Variants in LRFN2 observed in about 807,000 individuals in gnomAD.
LRFN2 encodes the protein leucine-rich repeat and fibronectin type-III domain-containing protein 2.
A neutral mutation model predicts 37.3 loss-of-function variants in LRFN2; 18 were observed. That is an observed-to-expected ratio of 0.48 (90% CI 0.33 to 0.72). The LOEUF is 0.72. LRFN2 is among the 30% of genes least tolerant of loss of function. The pLI is 0.02. For missense variants in LRFN2, 1,006 were observed against 1,060.7 expected (o/e 0.95, Z 0.72); for synonymous variants, 556 against 466.6 (o/e 1.19, Z -2.47).
intron 1 of LRFN2, among the ~76,000 whole-genome samples, chr6:40,509,174 C>A (rs1001487793): frequency 3.9e-5 from 6 of 152,252 alleles, no homozygotes; most frequent in Non-Finnish European, 7.3e-5. Flanking sequence ...GGATGACACA[C>A]TCCACATAAC....
chr6:40,413,735 G>A (rs563221463), intron 2 of LRFN2, among the ~76,000 whole-genome samples: 9 of 152,278 alleles, frequency 5.9e-5, no homozygotes, highest in East Asian at 1.9e-4. Context: ...CAAAGCAGCC[G>A]TGGCTTTATC....
At chr6:40,438,870 TAA>T (rs1561856209) in intron 1 of LRFN2, among the ~76,000 whole-genome samples, 1 of 152,264 alleles carries the variant, frequency 6.6e-6, no homozygotes, top group East Asian at 1.9e-4. Flanking sequence ...ATAATAAATA[TAA>T]AGTTGTGGAA....
intron 1 of LRFN2, among the ~76,000 whole-genome samples, chr6:40,569,989 G>A (rs183989631): frequency 6.6e-6 from 1 of 152,220 alleles, no homozygotes; most frequent in Non-Finnish European, 1.5e-5. Context: ...TTCTTGGGCT[G>A]TGAATGTCTC....
intron 1 of LRFN2, among the ~76,000 whole-genome samples, chr6:40,485,210 A>C (rs142227999): frequency 2.8e-4 from 42 of 152,306 alleles, no homozygotes; most frequent in African/African-American, 9.6e-4. Context: ...GATGGACAAG[A>C]TGACATCTCA....
intron 2 of LRFN2, among the ~76,000 whole-genome samples, chr6:40,399,627 G>A (rs929542733): frequency 5.3e-5 from 8 of 150,746 alleles, no homozygotes; most frequent in African/African-American, 1.2e-4. Context: ...GAGTAGAGGC[G>A]GGGTTTCACC....
intron 1 of LRFN2, among the ~76,000 whole-genome samples, chr6:40,527,073 G>A (rs1015739976): frequency 1.3e-5 from 2 of 152,210 alleles, no homozygotes; most frequent in South Asian, 2.1e-4. Flanking sequence ...GCCCCTAAAT[G>A]TGAGACCAGT....
intron 1 of LRFN2, among the ~76,000 whole-genome samples, chr6:40,530,019 C>G (rs1286135927): frequency 6.6e-6 from 1 of 152,140 alleles, no homozygotes; most frequent in Non-Finnish European, 1.5e-5. Context: ...TACAGGTGGC[C>G]CCTATGGGTG....
chr6:40,432,668 A>G lies in LRFN2; in HGVS notation c.446T>C (p.Leu149Pro). ...GGAGAGGTCCAGATCCTCCAATGTC[A>G]GCAGGAAGTCCTCAAAAGCCTCATC... ...IADEAFEDFLLTLEDLDLSYN... is the reference protein window; with the variant it reads ...IADEAFEDFLPTLEDLDLSYN... The change falls in exon 2 of 3, where the codon CTG (leucine) becomes CCG (proline). Residue 149 changes from leucine (L) to proline (P), a missense_variant. Physicochemically the swap from Leu to Pro is moderately conservative, Grantham distance 98. This residue lies in a region of LRFN2 where 185 missense variants were observed against 254.9 expected (regional missense o/e 0.73). Transcript: ENST00000338305. 2 of 1,614,172 alleles carry G rather than the reference A, an allele frequency of 1.2e-6. No homozygotes were observed. Among genetic ancestry groups the G allele is most frequent in the Non-Finnish European group, 8.5e-7 (1 of 1,180,038 alleles).
chr6:40,502,624 G>T (rs1275416611), intron 1 of LRFN2, among the ~76,000 whole-genome samples: 2 of 152,224 alleles, frequency 1.3e-5, no homozygotes, highest in Admixed American at 6.5e-5. Context: ...ATTGATGAGT[G>T]TCCTTTGAAT....
intron 1 of LRFN2, among the ~76,000 whole-genome samples, chr6:40,576,323 G>A (rs537803943): frequency 1.5e-5 from 2 of 134,718 alleles, no homozygotes; most frequent in African/African-American, 5.5e-5. Flanking sequence ...AGAGAGACAA[G>A]ACAGATGGAG....
At position 40,392,264 on chromosome 6, in the gene LRFN2, C is replaced by T. The variant is rs768378607; in HGVS notation, c.2049G>A (p.Gly683=). ...GGTGGCCCCGGGCCGACGTCCCAGC[C>T]CCTCTCCCGGCTGGAGTCCTGGAGT... ...LLDSRTPAGR[G]AGTSARGHHS... is the part of the protein sequence containing the mutation. Residue 683 remains glycine, a synonymous_variant, in exon 3 of 3, where the codon GGG becomes GGA. Coordinates refer to ENST00000338305, the MANE Select transcript of LRFN2 (RefSeq NM_020737.3). The surrounding 1 kb of genome is among the most constrained non-coding windows in gnomAD (Gnocchi z 4.7). The T allele has an allele frequency of 7.0e-5, 112 of 1,596,128 alleles. 4 individuals are homozygous for T. The highest frequency in any genetic ancestry group is 3.5e-5 in the Non-Finnish European group (41 of 1,172,746).
intron 1 of LRFN2, among the ~76,000 whole-genome samples, chr6:40,438,440 C>T (rs1003580218): frequency 1.3e-5 from 2 of 152,198 alleles, no homozygotes; most frequent in Non-Finnish European, 2.9e-5. Context: ...CAACTTGCCC[C>T]ACCCTACCTT....
At position 40,447,418 on chromosome 6, in the gene LRFN2, A is replaced by G. The variant is rs553894020; in HGVS notation, c.-18-14287T>C. 2.5e-4 allele frequency among the ~76,000 whole-genome samples: 38 copies of G among 152,116 alleles called. 2 individuals carry two copies. Among genetic ancestry groups the G allele is most frequent in the Admixed American group, 2.5e-3 (38 of 15,268 alleles). On this transcript the variant is annotated intron_variant, in intron 1 of 2. Transcript: ENST00000338305. ...CTTTCCCCAAATTTGCCTACCTTTA[A>G]CATCACTAGAGGCAGAGCTGTCACC...
intron 2 of LRFN2, among the ~76,000 whole-genome samples, chr6:40,419,182 A>G (rs1410637193): frequency 1.3e-5 from 2 of 152,180 alleles, no homozygotes; most frequent in Non-Finnish European, 2.9e-5. Context: ...CTGTTTCTTT[A>G]CCAGCCTGTG....
intron 1 of LRFN2, among the ~76,000 whole-genome samples, chr6:40,448,222 T>C (rs1014749844): frequency 6.6e-5 from 10 of 152,144 alleles, no homozygotes; most frequent in African/African-American, 1.2e-4. Flanking sequence ...CTTCCCACTA[T>C]GAAGAGGAGA....
At chr6:40,553,210 C>A (rs889665796) in intron 1 of LRFN2, among the ~76,000 whole-genome samples, 1 of 152,176 alleles carries the variant, frequency 6.6e-6, no homozygotes, top group East Asian at 1.9e-4. Flanking sequence ...GCTTAGCCTG[C>A]CTTTACCACC....
intron 2 of LRFN2, among the ~76,000 whole-genome samples, chr6:40,428,979 T>A (rs538164214): frequency 6.6e-6 from 1 of 152,364 alleles, no homozygotes; most frequent in Admixed American, 6.5e-5. Flanking sequence ...ACTCTGCTAC[T>A]AGTACTACTA....
At chr6:40,406,599 G>A (rs1275239513) in intron 2 of LRFN2, among the ~76,000 whole-genome samples, 1 of 152,126 alleles carries the variant, frequency 6.6e-6, no homozygotes, top group Non-Finnish European at 1.5e-5. Context: ...AGCACCCTCT[G>A]CTCACACACT....
chr6:40,556,842 C>G (rs1332064135), intron 1 of LRFN2, among the ~76,000 whole-genome samples: 2 of 152,072 alleles, frequency 1.3e-5, no homozygotes, highest in African/African-American at 2.4e-5. Context: ...CCAAGTTTGA[C>G]CCACTCACAG....
Sources: allele counts gnomAD v4.1 joint callset (sites outside exome capture counted in the v4.1 genomes callset), GRCh38; gene constraint gnomAD v4.1.1; regional missense constraint gnomAD v4.1.1; non-coding constraint Gnocchi (gnomAD v3.1); transcripts MANE v1.5; gene names NCBI Gene and HGNC (gene_info 2026-07-23, HGNC 2026-07-21).